Variants in METTL15 observed in about 807,000 individuals in gnomAD.
METTL15 encodes the protein 12S rRNA N(4)-cytidine methyltransferase METTL15.
METTL15 carries 34 observed loss-of-function variants against 38.3 expected under a neutral mutation model. The observed-to-expected ratio is 0.89, with a 90% CI of 0.68 to 1.18. The LOEUF is 1.18. Among genes scored for constraint, METTL15 ranks in the 50% most tolerant of loss-of-function variants. The pLI, the probability that METTL15 is intolerant of heterozygous loss-of-function variation, is 0.00. For synonymous variants in METTL15, 162 were observed against 170.9 expected, an observed-to-expected ratio of 0.95 and a Z score of 0.41; for missense variants, 438 against 498.4, an observed-to-expected ratio of 0.88 and a Z score of 1.15.
At chr11:28,292,087 T>A (rs185360777) in intron 5 of METTL15, among the ~76,000 whole-genome samples, 5 of 152,164 alleles carry the variant, frequency 3.3e-5, no homozygotes, top group Admixed American at 3.3e-4. Flanking sequence ...CTTTAAGTTT[T>A]AGGGTACATG....
chr11:28,322,833 A>C (rs1046837771), intron 6 of METTL15, among the ~76,000 whole-genome samples: 1 of 152,202 alleles, frequency 6.6e-6, no homozygotes, highest in East Asian at 1.9e-4. Flanking sequence ...CTGCGGTGAC[A>C]ATGTGAGCTC....
At chr11:28,469,957 A>C (rs1851289286) in intron 6 of METTL15, among the ~76,000 whole-genome samples, 1 of 152,162 alleles carries the variant, frequency 6.6e-6, no homozygotes, top group Non-Finnish European at 1.5e-5. Context: ...TATATTCATG[A>C]ATATATTCTA....
chr11:28,122,923 A>C (rs904125214), intron 3 of METTL15, among the ~76,000 whole-genome samples: 23 of 152,094 alleles, frequency 1.5e-4, no homozygotes, highest in African/African-American at 4.8e-4. Flanking sequence ...AAGATAAAAA[A>C]ATCAAGCTTC....
intron 6 of METTL15, among the ~76,000 whole-genome samples, chr11:28,506,736 CTTTTTTTTTTT>C (rs71449180): frequency 1.1e-4 from 12 of 111,612 alleles, no homozygotes; most frequent in Admixed American, 1.9e-4. Flanking sequence ...ATCTCAGTCT[CTTTTTTTTTTT>C]TTTTTTTTTT....
At chr11:28,296,628 CT>C (rs780183463) in intron 5 of METTL15, 124 bp from the exon 6 acceptor site, 2 of 962,564 alleles carry the variant, frequency 2.1e-6, no homozygotes, top group East Asian at 2.5e-5. Context: ...CAGTTTCTGA[CT>C]TTAAAACCTC....
intron 6 of METTL15, among the ~76,000 whole-genome samples, chr11:28,424,681 A>C (rs1413392758): frequency 1.1e-4 from 16 of 152,170 alleles, no homozygotes; most frequent in Non-Finnish European, 2.9e-5. Context: ...GGGCTTGTTT[A>C]GTGTTGGGAG....
chr11:28,167,717 T>C (rs529634666), intron 3 of METTL15, among the ~76,000 whole-genome samples: 4 of 151,926 alleles, frequency 2.6e-5, no homozygotes, highest in Admixed American at 2.0e-4. Context: ...ATATACTAGA[T>C]TCATATCTAG....
intron 3 of METTL15, among the ~76,000 whole-genome samples, chr11:28,129,219 A>T (rs1417120858): frequency 6.6e-6 from 1 of 152,200 alleles, no homozygotes; most frequent in African/African-American, 2.4e-5. Flanking sequence ...GACTAGGTCA[A>T]CATGTCTATG....
At chr11:28,372,479 A>G (rs933406020) in intron 5 of METTL15, among the ~76,000 whole-genome samples, 2 of 132,178 alleles carry the variant, frequency 1.5e-5, no homozygotes, top group African/African-American at 5.6e-5. Context: ...CTCCATGCCA[A>G]TACATGTTAA....
At chr11:28,454,929 G>T (rs1851155014) in intron 6 of METTL15, among the ~76,000 whole-genome samples, 1 of 152,158 alleles carries the variant, frequency 6.6e-6, no homozygotes, top group African/African-American at 2.4e-5. Flanking sequence ...GAGGAAGATT[G>T]CCTGTCCCTT....
chr11:28,272,566 C>T (rs1340072987), intron 4 of METTL15, among the ~76,000 whole-genome samples: 1 of 152,028 alleles, frequency 6.6e-6, no homozygotes, highest in Admixed American at 6.5e-5. Context: ...TGGTGCCTGC[C>T]AGGGGGTGTG....
intron 6 of METTL15, among the ~76,000 whole-genome samples, chr11:28,439,604 G>A (rs557928309): frequency 1.3e-5 from 2 of 152,256 alleles, no homozygotes; most frequent in Admixed American, 6.5e-5. Context: ...GGCCCAATGC[G>A]GGGTGGAGGA....
intron 3 of METTL15, among the ~76,000 whole-genome samples, chr11:28,128,455 A>G (rs1453404513): frequency 6.6e-5 from 10 of 152,270 alleles, no homozygotes; most frequent in East Asian, 1.9e-4. Flanking sequence ...TTTGCTGAAA[A>G]TCAACATTAT....
Position 28,421,814 on chromosome 11 carries a change from A to C in METTL15, c.*359-2485A>C, listed in dbSNP as rs568719287. Among the ~76,000 whole-genome samples, 14 of 152,194 alleles carry C rather than the reference A, an allele frequency of 9.2e-5. No homozygotes were observed. In the South Asian group the frequency reaches 2.7e-3, roughly 29 times the overall value. ...ATGCCACCTTCACTACTGTTATTCA[A>C]CATAGTACTGTAAGTCCTAGCTAGA... On this transcript the variant is annotated intron_variant and NMD_transcript_variant, in intron 5 of 7. Coordinates refer to the METTL15 transcript ENST00000532947.
At chr11:28,472,333 C>G (rs1851310290) in intron 6 of METTL15, among the ~76,000 whole-genome samples, 1 of 152,160 alleles carries the variant, frequency 6.6e-6, no homozygotes, top group African/African-American at 2.4e-5. Context: ...AGTCATCAAT[C>G]TCCTAATACA....
At chr11:28,403,325 T>C (rs1850646216) in intron 5 of METTL15, among the ~76,000 whole-genome samples, 1 of 152,024 alleles carries the variant, frequency 6.6e-6, no homozygotes, top group Non-Finnish European at 1.5e-5. Flanking sequence ...CAGGATAAGT[T>C]ACCTAACTTT....
At chr11:28,409,030 A>T (rs957379383) in intron 5 of METTL15, among the ~76,000 whole-genome samples, 2 of 152,182 alleles carry the variant, frequency 1.3e-5, no homozygotes, top group Non-Finnish European at 2.9e-5. Context: ...TTTAGTACAT[A>T]TGGAACATTC....
At chr11:28,119,301 C>T (rs1436945185) in intron 3 of METTL15, among the ~76,000 whole-genome samples, 1 of 152,176 alleles carries the variant, frequency 6.6e-6, no homozygotes, top group Non-Finnish European at 1.5e-5. Context: ...GTGCTTAGCA[C>T]AAGGCCTGCC....
intron 5 of METTL15, among the ~76,000 whole-genome samples, chr11:28,391,441 CAT>C (rs1564917348): frequency 6.6e-6 from 1 of 151,920 alleles, no homozygotes. Context: ...TAGCATGAAG[CAT>C]TGTGGAATTT....
Sources: gnomAD v4.1 joint callset for allele counts (sites outside exome capture counted in the v4.1 genomes callset) on GRCh38, gnomAD v4.1.1 for gene constraint, MANE v1.5 for transcripts, NCBI Gene and HGNC (gene_info 2026-07-23, HGNC 2026-07-21) for gene names.